SV2C: variants seen among roughly 807,000 people sequenced by gnomAD.
SV2C encodes the protein solute carrier family 22 member B3.
A neutral mutation model predicts 79.7 loss-of-function variants in SV2C; 49 were observed. The observed-to-expected ratio is 0.61, with a 90% CI of 0.49 to 0.78. SV2C has a LOEUF of 0.78. Among genes scored for constraint, SV2C ranks in the 30% least tolerant of loss-of-function variants. The pLI is 0.00. For synonymous variants in SV2C, 334 were observed against 333.2 expected, an observed-to-expected ratio of 1.00 and a Z score of -0.03; for missense variants, 833 against 912.9, an observed-to-expected ratio of 0.91 and a Z score of 1.13.
intron 4 of SV2C, among the ~76,000 whole-genome samples, chr5:76,246,918 T>G (rs1745962517): frequency 6.6e-6 from 1 of 152,200 alleles, no homozygotes; most frequent in Non-Finnish European, 1.5e-5. Flanking sequence ...AGTGGAATAC[T>G]CACAGAAATG....
At chr5:76,024,445 G>A in the SV2C span, among the ~76,000 whole-genome samples, 1 of 152,104 alleles carries the variant, frequency 6.6e-6, no homozygotes, top group African/African-American at 2.4e-5. Flanking sequence ...TGCTTTTCAT[G>A]TTCCATGAAA....
the SV2C span, among the ~76,000 whole-genome samples, chr5:75,882,387 TG>T: frequency 2.0e-5 from 3 of 147,496 alleles, no homozygotes; most frequent in South Asian, 4.2e-4. Flanking sequence ...TTCACAGAAT[TG>T]GAAAAAACTA....
rs547430789 is a variant in SV2C, at chr5:76,121,039, G to C, written c.-101-10611G>C. On this transcript the variant is annotated intron_variant, in intron 1 of 12. Transcript: ENST00000502798. ...TCCTCTCCAGCACCTGTTGTTTCCT[G>C]ACTTTTTAATGATTGCCATTCTAAC... 6.0e-3 allele frequency among the ~76,000 whole-genome samples: 899 copies of C among 150,632 alleles called. 10 individuals are homozygous for C. Among genetic ancestry groups the C allele is most frequent in the African/African-American group, 0.021 (836 of 40,182 alleles).
chr5:76,181,634 C>A (rs1327704321), intron 2 of SV2C, among the ~76,000 whole-genome samples: 1 of 151,880 alleles, frequency 6.6e-6, no homozygotes, highest in Non-Finnish European at 1.5e-5. Flanking sequence ...CACTTTTAAA[C>A]CATCAGATCT....
At chr5:76,107,199 A>C (rs113581302) in intron 1 of SV2C, among the ~76,000 whole-genome samples, 123 of 152,374 alleles carry the variant, frequency 8.1e-4, no homozygotes, top group African/African-American at 2.7e-3. Flanking sequence ...GGTGATTAAC[A>C]ACAAGTCAAA....
At chr5:76,063,271 C>G in the SV2C span, among the ~76,000 whole-genome samples, 3 of 152,104 alleles carry the variant, frequency 2.0e-5, no homozygotes, top group African/African-American at 7.2e-5. Flanking sequence ...TGTGTCCCAC[C>G]TTCTAGAGGG....
intron 6 of SV2C, 69 bp from the exon 7 acceptor site, chr5:76,291,152 A>C (rs750722719): frequency 1.6e-6 from 2 of 1,222,516 alleles, no homozygotes; most frequent in Non-Finnish European, 1.1e-6. Context: ...CTGTAAAAAC[A>C]AATTATAACC....
chr5:76,280,771 G>C (rs1179566758), intron 4 of SV2C, among the ~76,000 whole-genome samples: 2 of 152,224 alleles, frequency 1.3e-5, no homozygotes, highest in East Asian at 3.9e-4. Flanking sequence ...CCCTGGCCCA[G>C]AGCAGGCTCA....
chr5:76,064,387 A>G, the SV2C span, among the ~76,000 whole-genome samples: 2 of 152,194 alleles, frequency 1.3e-5, no homozygotes, highest in East Asian at 3.8e-4. Context: ...AATGTGGCAA[A>G]CAAACAAGCA....
the SV2C span, among the ~76,000 whole-genome samples, chr5:76,031,805 C>T: frequency 5.3e-5 from 8 of 152,126 alleles, no homozygotes; most frequent in South Asian, 4.2e-4. Context: ...TTTCTGCTAT[C>T]GCTATATTAT....
At chr5:76,241,115 C>A (rs1475093705) in intron 4 of SV2C, among the ~76,000 whole-genome samples, 1 of 152,078 alleles carries the variant, frequency 6.6e-6, no homozygotes, top group Non-Finnish European at 1.5e-5. Context: ...CGCCACCACA[C>A]CCAGCTAATT....
chr5:76,018,348 T>C, the SV2C span, among the ~76,000 whole-genome samples: 1 of 152,258 alleles, frequency 6.6e-6, no homozygotes, highest in Non-Finnish European at 1.5e-5. Flanking sequence ...GTTAAGAAAA[T>C]TTATCATATA....
At chr5:75,912,416 C>T in the SV2C span, among the ~76,000 whole-genome samples, 1 of 152,204 alleles carries the variant, frequency 6.6e-6, no homozygotes, top group African/African-American at 2.4e-5. Context: ...TGACTTGAGC[C>T]TGGGAGGTCA....
intron 1 of SV2C, among the ~76,000 whole-genome samples, chr5:76,114,336 A>T (rs1291495139): frequency 6.6e-6 from 1 of 152,162 alleles, no homozygotes; most frequent in African/African-American, 2.4e-5. Context: ...TGCTTTTTAT[A>T]GCCACCACCC....
chr5:75,986,844 A>G, the SV2C span, among the ~76,000 whole-genome samples: 3 of 151,992 alleles, frequency 2.0e-5, no homozygotes, highest in Non-Finnish European at 4.4e-5. Context: ...GAGCCTTCGC[A>G]GATAGAGATA....
chr5:75,918,751 A>C, the SV2C span, among the ~76,000 whole-genome samples: 3 of 152,214 alleles, frequency 2.0e-5, no homozygotes, highest in Non-Finnish European at 4.4e-5. Flanking sequence ...AGATATCCCA[A>C]GTGGAAGCAG....
At chr5:76,313,107 A>G (rs1038318986) in intron 12 of SV2C, among the ~76,000 whole-genome samples, 6 of 152,212 alleles carry the variant, frequency 3.9e-5, no homozygotes, top group African/African-American at 1.4e-4. Flanking sequence ...TATGAAATAA[A>G]TAGCATCTCA....
chr5:76,052,472 C>A, the SV2C span, among the ~76,000 whole-genome samples: 1 of 152,158 alleles, frequency 6.6e-6, no homozygotes, highest in Non-Finnish European at 1.5e-5. Flanking sequence ...GAATGATGGG[C>A]TCCATGTGGC....
At chr5:76,342,301 C>T (rs2112585944) in intron 12 of SV2C, among the ~76,000 whole-genome samples, 1 of 152,326 alleles carries the variant, frequency 6.6e-6, no homozygotes, top group East Asian at 1.9e-4. Context: ...GCTACAGGCA[C>T]AGAATGTTTG....
Sources: allele counts gnomAD v4.1 joint callset (sites outside exome capture counted in the v4.1 genomes callset), GRCh38; gene constraint gnomAD v4.1.1; transcripts MANE v1.5; gene names NCBI Gene and HGNC (gene_info 2026-07-23, HGNC 2026-07-21).